PLA2G2C: variants seen among roughly 807,000 people sequenced by gnomAD.
The protein encoded by PLA2G2C is phospholipase A2 group IIC.
Under a neutral mutation model 14.3 loss-of-function variants are expected in PLA2G2C, and 15 were observed. The ratio of observed to expected loss-of-function variants is 1.05; its 90% CI spans 0.70 to 1.62. The LOEUF (loss-of-function observed/expected upper bound fraction) is 1.62, where lower values mean the gene tolerates loss of function less well. PLA2G2C is among the 40% of genes most tolerant of loss of function. The pLI is 0.00. For missense variants in PLA2G2C, 162 were observed against 173.2 expected (o/e 0.94, Z 0.36); for synonymous variants, 79 against 67.7 (o/e 1.17, Z -0.82).
At chr1:20,184,882 G>A (rs2018340024) in intron 1 of PLA2G2C, among the ~76,000 whole-genome samples, 1 of 152,174 alleles carries the variant, frequency 6.6e-6, no homozygotes, top group African/African-American at 2.4e-5. Flanking sequence ...GGCTGGGCGA[G>A]GTGGCTCATG....
chr1:20,167,376 C>T (rs942968525), intron 4 of PLA2G2C, among the ~76,000 whole-genome samples: 5 of 152,190 alleles, frequency 3.3e-5, no homozygotes, highest in African/African-American at 7.2e-5. Flanking sequence ...CCCATCTTCA[C>T]AAGCTCAGTA....
Position 20,169,491 on chromosome 1 carries a change from T to G in PLA2G2C, c.283+3303A>C, listed in dbSNP as rs549703222. ...CACCACACCTGGCCAGGAAAGGGGT[T>G]TTATTCCATAAGGGGTTACTGACCA... is the stretch of plus-strand genomic sequence containing the variant. On this transcript the variant is annotated intron_variant, in intron 4 of 4. Coordinates refer to ENST00000679259, the MANE Select transcript of PLA2G2C (RefSeq NM_001367969.2). 2.0e-5 allele frequency among the ~76,000 whole-genome samples: 3 copies of G among 152,306 alleles called. No homozygotes were observed. In the South Asian group the frequency reaches 6.2e-4, roughly 32 times the overall value.
intron 3 of PLA2G2C, 70 bp from the exon 4 acceptor site, chr1:20,172,967 C>T: frequency 9.0e-7 from 1 of 1,117,078 alleles, no homozygotes. Context: ...CACCTGCCTC[C>T]TCCTCTAGGC....
At chr1:20,169,894 C>G (rs138505759) in intron 4 of PLA2G2C, among the ~76,000 whole-genome samples, 144 of 152,354 alleles carry the variant, frequency 9.5e-4, no homozygotes, top group Middle Eastern at 3.4e-3. Context: ...CTTTCCTTCC[C>G]TGGGCCAGGG....
chr1:20,176,991 AT>A (rs1250845756), intron 2 of PLA2G2C, among the ~76,000 whole-genome samples: 1 of 152,210 alleles, frequency 6.6e-6, no homozygotes, highest in Non-Finnish European at 1.5e-5. Context: ...TTTGTTCTGA[AT>A]CCAAATGGCC....
At chr1:20,175,307 G>A (rs2018164583) in intron 2 of PLA2G2C, 162 bp from the exon 3 acceptor site, 5 of 1,045,128 alleles carry the variant, frequency 4.8e-6, no homozygotes, top group Non-Finnish European at 7.0e-6. Context: ...CTCTTTCCTG[G>A]GGAATAAAAT....
chr1:20,172,755 C>G, intron 4 of PLA2G2C, 39 bp downstream of exon 4: 1 of 1,532,142 alleles, frequency 6.5e-7, no homozygotes, highest in Non-Finnish European at 9.0e-7. Context: ...AGGAAAGGCC[C>G]AGGTTAAAAG....
At chr1:20,165,742 G>GT (rs1207153566) in intron 4 of PLA2G2C, among the ~76,000 whole-genome samples, 1 of 151,968 alleles carries the variant, frequency 6.6e-6, no homozygotes, top group Non-Finnish European at 1.5e-5. Context: ...GTGTGTGCAG[G>GT]TATGTGTCCA....
At chr1:20,171,149 T>G (rs2018066002) in intron 4 of PLA2G2C, among the ~76,000 whole-genome samples, 1 of 106,022 alleles carries the variant, frequency 9.4e-6, no homozygotes, top group Admixed American at 8.6e-5. Context: ...GAAGAGGCCA[T>G]GGGAAACTCG....
At chr1:20,179,293 T>TGC (rs1231662365) in intron 1 of PLA2G2C, among the ~76,000 whole-genome samples, 15 of 151,472 alleles carry the variant, frequency 9.9e-5, no homozygotes, top group East Asian at 2.0e-4. Context: ...TGTGTGTGTG[T>TGC]GCGCGCGCAC....
At chr1:20,177,013 G>T (rs2018196802) in intron 2 of PLA2G2C, among the ~76,000 whole-genome samples, 2 of 152,142 alleles carry the variant, frequency 1.3e-5, no homozygotes, top group African/African-American at 4.8e-5. Flanking sequence ...TTAAATAAAG[G>T]CTACTAGCAT....
chr1:20,182,405 C>T (rs112938297), intron 1 of PLA2G2C, among the ~76,000 whole-genome samples: 2,484 of 152,270 alleles, frequency 0.016, 66 homozygotes, highest in African/African-American at 0.055. Context: ...TTTAGAACGG[C>T]AACATGCTGT....
At chr1:20,183,756 G>A (rs2018315598) in intron 1 of PLA2G2C, among the ~76,000 whole-genome samples, 1 of 152,212 alleles carries the variant, frequency 6.6e-6, no homozygotes, top group Non-Finnish European at 1.5e-5. Flanking sequence ...AGCAGGGTGG[G>A]GCAGGCATGG....
chr1:20,165,282 A>G (rs1413196024), intron 4 of PLA2G2C, among the ~76,000 whole-genome samples: 1 of 152,104 alleles, frequency 6.6e-6, no homozygotes, highest in African/African-American at 2.4e-5. Context: ...GGCTTGGTCA[A>G]ATTTCACCTC....
At chr1:20,168,574 G>C (rs1341595984) in intron 4 of PLA2G2C, among the ~76,000 whole-genome samples, 1 of 152,236 alleles carries the variant, frequency 6.6e-6, no homozygotes, top group Non-Finnish European at 1.5e-5. Context: ...GCGAGTGGAG[G>C]CTGAGATGAG....
chr1:20,166,394 C>A lies in PLA2G2C; in HGVS notation c.284-2237G>T, dbSNP rs117314565. ...GCTCCCGCCACTCCCACTGTTCTAG[C>A]GCCTGGGTGCCCTCTGCCCTCCCAC... On this transcript the variant is annotated intron_variant, in intron 4 of 4. Coordinates refer to ENST00000679259, the MANE Select transcript of PLA2G2C (RefSeq NM_001367969.2). Among the ~76,000 whole-genome samples the A allele has an allele frequency of 5.2e-3, 789 of 152,258 alleles. 45 individuals carry two copies. The East Asian group carries it at 0.14, about 26-fold the overall frequency.
At chr1:20,170,558 T>C (rs1261893241) in intron 4 of PLA2G2C, among the ~76,000 whole-genome samples, 2 of 152,110 alleles carry the variant, frequency 1.3e-5, no homozygotes, top group Non-Finnish European at 2.9e-5. Context: ...GGCCTGGGGC[T>C]CAGCACATGT....
intron 1 of PLA2G2C, among the ~76,000 whole-genome samples, chr1:20,178,018 C>T (rs113021957): frequency 5.2e-4 from 79 of 152,272 alleles, no homozygotes; most frequent in African/African-American, 1.8e-3. Context: ...TTGGGTAAAC[C>T]GAGACCCAGA....
intron 4 of PLA2G2C, among the ~76,000 whole-genome samples, chr1:20,166,308 C>T (rs2017978004): frequency 6.6e-6 from 1 of 152,200 alleles, no homozygotes; most frequent in Non-Finnish European, 1.5e-5. Flanking sequence ...TTCCTGCCCT[C>T]CCTGCTCGCC....
Sources: allele counts gnomAD v4.1 joint callset (sites outside exome capture counted in the v4.1 genomes callset), GRCh38; gene constraint gnomAD v4.1.1; transcripts MANE v1.5; gene names NCBI Gene and HGNC (gene_info 2026-07-23, HGNC 2026-07-21).